Variants in MCPH1 observed in about 807,000 individuals in gnomAD.
MCPH1 encodes the protein microcephalin.
In MCPH1, 104 loss-of-function variants were observed where a neutral mutation model predicts 84.5. That is an observed-to-expected ratio of 1.23 (90% CI 1.05 to 1.45). The LOEUF is 1.45. Among genes scored for constraint, MCPH1 ranks in the 40% most tolerant of loss-of-function variants. The probability of loss-of-function intolerance (pLI) is 0.00; values close to 1 mark genes in which losing one functional copy is unlikely to be tolerated. For missense variants in MCPH1, 1,498 were observed against 1,005.7 expected, an observed-to-expected ratio of 1.49 and a Z score of -6.62; for synonymous variants, 514 against 366.8, an observed-to-expected ratio of 1.40 and a Z score of -4.58.
At chr8:6,560,547 G>T (rs1458144541) in intron 12 of MCPH1, among the ~76,000 whole-genome samples, 1 of 152,196 alleles carries the variant, frequency 6.6e-6, no homozygotes, top group Non-Finnish European at 1.5e-5. Context: ...GCCTTTCTCA[G>T]GTGCACGTTG....
At chr8:6,578,105 C>G (rs1321860365) in intron 12 of MCPH1, among the ~76,000 whole-genome samples, 9 of 152,212 alleles carry the variant, frequency 5.9e-5, no homozygotes, top group Admixed American at 5.9e-4. Flanking sequence ...CAGCTACAAA[C>G]AACACACTGG....
At chr8:6,454,575 G>A (rs1805475662) in intron 8 of MCPH1, among the ~76,000 whole-genome samples, 1 of 152,174 alleles carries the variant, frequency 6.6e-6, no homozygotes, top group South Asian at 2.1e-4. Flanking sequence ...ACAGAGGTTA[G>A]CATCTAAGGA....
chr8:6,548,466 G>T (rs1040510480), intron 12 of MCPH1, among the ~76,000 whole-genome samples: 2 of 152,078 alleles, frequency 1.3e-5, no homozygotes, highest in Non-Finnish European at 2.9e-5. Flanking sequence ...GCTCTCCTCT[G>T]CCCAGCTCGA....
chr8:6,487,265 A>G (rs569612064), intron 11 of MCPH1, among the ~76,000 whole-genome samples: 56 of 152,316 alleles, frequency 3.7e-4, no homozygotes, highest in African/African-American at 1.2e-3. Flanking sequence ...CATGATGACT[A>G]TTTTCTTGAG....
intron 12 of MCPH1, among the ~76,000 whole-genome samples, chr8:6,604,823 T>C (rs925054978): frequency 1.3e-5 from 2 of 152,210 alleles, no homozygotes; most frequent in African/African-American, 2.4e-5. Context: ...TTTTATACTA[T>C]GAACAAAACT....
At chr8:6,602,042 C>G (rs2442558) in intron 12 of MCPH1, among the ~76,000 whole-genome samples, 1 of 152,196 alleles carries the variant, frequency 6.6e-6, no homozygotes, top group African/African-American at 2.4e-5. Context: ...TTTTTCATAG[C>G]TTTAAATCCA....
At chr8:6,454,664 G>T (rs192553256) in intron 8 of MCPH1, among the ~76,000 whole-genome samples, 3 of 152,256 alleles carry the variant, frequency 2.0e-5, no homozygotes, top group East Asian at 3.9e-4. Context: ...TGGAAACTTG[G>T]GGGGAGTAAA....
chr8:6,637,804 C>A (rs1423528449), intron 13 of MCPH1, among the ~76,000 whole-genome samples: 1 of 152,050 alleles, frequency 6.6e-6, no homozygotes, highest in Admixed American at 6.6e-5. Context: ...AGTCTCGGAC[C>A]TTTGCAGTGG....
chr8:6,605,255 T>A (rs1174726348), intron 12 of MCPH1, among the ~76,000 whole-genome samples: 1 of 152,200 alleles, frequency 6.6e-6, no homozygotes, highest in Non-Finnish European at 1.5e-5. Flanking sequence ...CTAGAATCTG[T>A]CCTTCCTGAG....
At chr8:6,505,976 T>TTA (rs66835122) in intron 12 of MCPH1, among the ~76,000 whole-genome samples, 1 of 590 alleles carries the variant, frequency 1.7e-3, no homozygotes, top group African/African-American at 5.5e-3. Context: ...TACATATTCT[T>TTA]TGTATATATA....
chr8:6,475,385 G>A (rs1191370388), intron 9 of MCPH1, among the ~76,000 whole-genome samples: 2 of 152,226 alleles, frequency 1.3e-5, no homozygotes, highest in African/African-American at 4.8e-5. Flanking sequence ...TATCCTGGCA[G>A]ACGCCCTTGT....
intron 12 of MCPH1, among the ~76,000 whole-genome samples, chr8:6,507,018 C>G (rs1813871110): frequency 1.3e-5 from 2 of 152,074 alleles, no homozygotes; most frequent in Admixed American, 6.6e-5. Flanking sequence ...CTGCCTCAGC[C>G]TCCTGAGTAG....
intron 11 of MCPH1, among the ~76,000 whole-genome samples, chr8:6,482,156 G>T (rs559576822): frequency 1.2e-3 from 186 of 152,286 alleles, no homozygotes; most frequent in African/African-American, 4.4e-3. Flanking sequence ...TGTTCCCCAA[G>T]CACAAGAGTA....
intron 12 of MCPH1, chr8:6,500,476 T>C (rs1811941584): frequency 6.5e-6 from 1 of 153,538 alleles, no homozygotes; most frequent in Non-Finnish European, 1.4e-5. Context: ...TGTTCAAAAA[T>C]GTTAATTTGT....
At chr8:6,427,610 C>G (rs969824550) in intron 3 of MCPH1, among the ~76,000 whole-genome samples, 61 of 152,006 alleles carry the variant, frequency 4.0e-4, no homozygotes, top group Admixed American at 3.8e-3. Flanking sequence ...CAACTCCTGA[C>G]CTCAAACAGT....
At chr8:6,522,785 A>G (rs1279064954) in intron 12 of MCPH1, among the ~76,000 whole-genome samples, 1 of 148,806 alleles carries the variant, frequency 6.7e-6, no homozygotes, top group African/African-American at 2.5e-5. Flanking sequence ...AAAAAAAAAA[A>G]GAAAAGAAAA....
At chr8:6,532,272 G>A (rs192866296) in intron 12 of MCPH1, 34 of 1,594,786 alleles carry the variant, frequency 2.1e-5, no homozygotes, top group Middle Eastern at 1.7e-4. Flanking sequence ...AGCTCCTGAC[G>A]CGACTGAGTG....
intron 11 of MCPH1, among the ~76,000 whole-genome samples, chr8:6,498,282 G>A (rs577532146): frequency 4.6e-5 from 7 of 152,272 alleles, no homozygotes; most frequent in African/African-American, 1.7e-4. Flanking sequence ...AGCCTTACCT[G>A]TGCTCTTTCA....
chr8:6,576,980 A>T (rs898737194), intron 12 of MCPH1, among the ~76,000 whole-genome samples: 4 of 152,012 alleles, frequency 2.6e-5, no homozygotes, highest in African/African-American at 7.2e-5. Flanking sequence ...CATTCTGCGG[A>T]ATTCCTTCTC....
Sources: gnomAD v4.1 joint callset for allele counts (sites outside exome capture counted in the v4.1 genomes callset) on GRCh38, gnomAD v4.1.1 for gene constraint, MANE v1.5 for transcripts, NCBI Gene and HGNC (gene_info 2026-07-23, HGNC 2026-07-21) for gene names.